The following CPQ variants were observed in gnomAD, a reference collection of about 807,000 sequenced individuals.
CPQ encodes Ser-Met dipeptidase.
In CPQ, 37 loss-of-function variants were observed where a neutral mutation model predicts 45.7. The observed-to-expected ratio is 0.81, with a 90% CI of 0.62 to 1.07. CPQ has a LOEUF of 1.07. Ranked by LOEUF, CPQ falls within the 50% of genes least tolerant of loss-of-function variation. CPQ has a pLI of 0.00. For synonymous variants in CPQ, 186 were observed against 205.8 expected (o/e 0.90, Z 0.82); for missense variants, 537 against 572.9 (o/e 0.94, Z 0.64).
intron 2 of CPQ, among the ~76,000 whole-genome samples, chr8:96,789,527 C>A (rs1299439724): frequency 6.6e-6 from 1 of 152,186 alleles, no homozygotes; most frequent in Non-Finnish European, 1.5e-5. Flanking sequence ...TTCCTTTAGA[C>A]AGTTATATTT....
intron 1 of CPQ, among the ~76,000 whole-genome samples, chr8:96,767,539 C>A (rs1425734971): frequency 6.7e-6 from 1 of 149,412 alleles, no homozygotes; most frequent in Non-Finnish European, 1.5e-5. Context: ...AATTAAACAC[C>A]TACTCCCCTG....
chr8:97,104,291 G>A (rs1235461694), intron 7 of CPQ, among the ~76,000 whole-genome samples: 1 of 152,080 alleles, frequency 6.6e-6, no homozygotes, highest in Non-Finnish European at 1.5e-5. Context: ...ATCCCAAAGT[G>A]TATTCTTAGG....
intron 1 of CPQ, among the ~76,000 whole-genome samples, chr8:96,744,497 C>G (rs1810148626): frequency 6.6e-6 from 1 of 152,212 alleles, no homozygotes; most frequent in African/African-American, 2.4e-5. Context: ...ATCTTGGCTC[C>G]TCCTCCTAGT....
chr8:96,732,565 TTTTC>T (rs916605291), intron 1 of CPQ, among the ~76,000 whole-genome samples: 59 of 105,428 alleles, frequency 5.6e-4, no homozygotes, highest in Middle Eastern at 9.6e-3. Flanking sequence ...TACTTTCTAT[TTTTC>T]TTTTTTTTTC....
chr8:96,932,175 A>AAAGGAAGGAAGGAAGG lies in CPQ; in HGVS notation c.850-33749_850-33734dup, dbSNP rs144460338. On this transcript the variant is annotated intron_variant, in intron 4 of 7. Transcript: ENST00000220763. Reference sequence around the variant, plus strand: ...TGTTTTCATCAGATAACTTGGGAAGAAAGGAAGGAAGGAAGGAAGGAAGGA... The same window carrying AAAGGAAGGAAGGAAGG: ...TGTTTTCATCAGATAACTTGGGAAGAAAGGAAGGAAGGAAGGAAGGAAGGAAGGAAGGAAGGAAGGA... 7.0e-4 allele frequency among the ~76,000 whole-genome samples: 107 copies of AAAGGAAGGAAGGAAGG among 151,864 alleles called. 1 individual carries two copies. Among genetic ancestry groups the AAAGGAAGGAAGGAAGG allele is most frequent in the African/African-American group, 2.5e-3 (105 of 41,318 alleles).
chr8:96,894,869 G>A lies in CPQ; in HGVS notation c.849+14864G>A, dbSNP rs539453728. Among the ~76,000 whole-genome samples the A allele has an allele frequency of 5.3e-5, 8 of 152,250 alleles. No homozygotes were observed. The South Asian group carries it at 1.7e-3, about 32-fold the overall frequency. Reference sequence around the variant, plus strand: ...TGAAGAACACCTGGATTTTCTGCAGGATTTCACTGCACCAATTCTGTTACA... The same window carrying A: ...TGAAGAACACCTGGATTTTCTGCAGAATTTCACTGCACCAATTCTGTTACA... On this transcript the variant is annotated intron_variant, in intron 4 of 7. Coordinates refer to ENST00000220763, the MANE Select transcript of CPQ (RefSeq NM_016134.4).
chr8:96,712,075 C>A (rs117907099), intron 1 of CPQ, among the ~76,000 whole-genome samples: 3 of 151,996 alleles, frequency 2.0e-5, no homozygotes, highest in Non-Finnish European at 1.5e-5. Flanking sequence ...CCTTTCAAGT[C>A]TGAAATCTAA....
At chr8:97,142,939 C>A in intron 7 of CPQ, 81 bp from the exon 8 acceptor site, 2 of 1,404,642 alleles carry the variant, frequency 1.4e-6, no homozygotes, top group Admixed American at 1.9e-5. Context: ...TAGGAGCAGG[C>A]AAAAGTGAAG....
chr8:96,763,292 G>GT (rs1302930362), intron 1 of CPQ, among the ~76,000 whole-genome samples: 3 of 152,070 alleles, frequency 2.0e-5, no homozygotes, highest in Admixed American at 1.3e-4. Flanking sequence ...GGATGAAAGT[G>GT]TTTTTTTCCC....
intron 1 of CPQ, among the ~76,000 whole-genome samples, chr8:96,776,876 G>T (rs1310657610): frequency 6.6e-6 from 1 of 152,070 alleles, no homozygotes. Flanking sequence ...TACAGCATGG[G>T]TTTTTAAAAA....
At chr8:97,036,636 A>G (rs1456050347) in intron 6 of CPQ, among the ~76,000 whole-genome samples, 1 of 152,190 alleles carries the variant, frequency 6.6e-6, no homozygotes, top group Non-Finnish European at 1.5e-5. Context: ...GGAGAACAGG[A>G]TGTCATTTCT....
chr8:96,822,710 C>G (rs995831432), intron 2 of CPQ, among the ~76,000 whole-genome samples: 2 of 151,976 alleles, frequency 1.3e-5, no homozygotes, highest in African/African-American at 4.8e-5. Context: ...AATCCTCTTT[C>G]AGCTTCTTGT....
At chr8:97,037,808 A>G (rs564420979) in intron 6 of CPQ, among the ~76,000 whole-genome samples, 2 of 152,332 alleles carry the variant, frequency 1.3e-5, no homozygotes, top group South Asian at 4.1e-4. Flanking sequence ...TTATATATCA[A>G]TGTATGCCAG....
chr8:96,802,355 A>C (rs1048193616), intron 2 of CPQ, among the ~76,000 whole-genome samples: 1 of 152,184 alleles, frequency 6.6e-6, no homozygotes, highest in Non-Finnish European at 1.5e-5. Flanking sequence ...TGGTGAGTAC[A>C]TATTTTGTAG....
intron 4 of CPQ, among the ~76,000 whole-genome samples, chr8:96,897,336 A>T (rs1812455917): frequency 6.6e-6 from 1 of 152,170 alleles, no homozygotes; most frequent in African/African-American, 2.4e-5. Flanking sequence ...TTATCTAGTC[A>T]TGATATTAGA....
At chr8:96,654,656 A>G (rs1293487460) in intron 1 of CPQ, among the ~76,000 whole-genome samples, 2 of 152,220 alleles carry the variant, frequency 1.3e-5, no homozygotes, top group East Asian at 1.9e-4. Context: ...TAATATGAAA[A>G]TAATTTTAAA....
chr8:96,965,030 C>A (rs1372154677), intron 4 of CPQ, among the ~76,000 whole-genome samples: 1 of 152,020 alleles, frequency 6.6e-6, no homozygotes, highest in Non-Finnish European at 1.5e-5. Flanking sequence ...AATTTTAAAC[C>A]TGTGATGATT....
At chr8:97,128,896 AG>A in intron 7 of CPQ, among the ~76,000 whole-genome samples, 1 of 152,202 alleles carries the variant, frequency 6.6e-6, no homozygotes, top group East Asian at 1.9e-4. Flanking sequence ...GTTCTTTCCC[AG>A]TCCTGATTAT....
chr8:96,997,913 G>A (rs1809204241), intron 5 of CPQ, among the ~76,000 whole-genome samples: 1 of 151,944 alleles, frequency 6.6e-6, no homozygotes, highest in Non-Finnish European at 1.5e-5. Flanking sequence ...GCCATTTGTT[G>A]TATGTTTTAA....
Sources: allele counts gnomAD v4.1 joint callset (sites outside exome capture counted in the v4.1 genomes callset), GRCh38; gene constraint gnomAD v4.1.1; transcripts MANE v1.5; gene names NCBI Gene and HGNC (gene_info 2026-07-23, HGNC 2026-07-21).